The following GASK1A variants were observed in gnomAD, a reference collection of about 807,000 sequenced individuals.
GASK1A encodes the protein Golgi-associated kinase 1A.
In GASK1A, 40 loss-of-function variants were observed where a neutral mutation model predicts 41.2. The ratio of observed to expected loss-of-function variants is 0.97; its 90% confidence interval spans 0.75 to 1.27. The LOEUF (loss-of-function observed/expected upper bound fraction) is 1.27. GASK1A is among the 50% of genes most tolerant of loss of function. GASK1A has a pLI of 0.00. For missense variants in GASK1A, 678 were observed against 745.1 expected (o/e 0.91, Z 1.05); for synonymous variants, 316 against 307.1 (o/e 1.03, Z -0.30).
chr3:43,047,083 C>A (rs1388561433), intron 2 of GASK1A, among the ~76,000 whole-genome samples: 1 of 152,222 alleles, frequency 6.6e-6, no homozygotes, highest in Admixed American at 6.5e-5. Context: ...TCAGAGCCCC[C>A]ACACAGAGTT....
In GASK1A at chr3:43,012,824, T is replaced by A. The variant is rs542736682; in HGVS notation, c.4-19443T>A. 6.8e-3 allele frequency among the ~76,000 whole-genome samples: 874 copies of A among 129,096 alleles called. 18 individuals are homozygous for A. Among genetic ancestry groups the A allele is most frequent in the African/African-American group, 0.025 (817 of 33,266 alleles). 84.7% of individuals were successfully genotyped at this position (129,096 alleles called of 152,430 possible). A position where few individuals can be genotyped will look rare whatever the true frequency, so the allele number is the denominator to read the frequency against. The stretch of plus-strand genomic sequence containing the variant: ...TGAGGCCACAGGAAGGAGCTGTGTG[T>A]AGCCACAGGAAGGGGCAGTGTGAAG... On this transcript the variant is annotated intron_variant, in intron 1 of 4. Transcript: ENST00000430121.
chr3:43,004,475 C>G (rs2125677822), intron 1 of GASK1A, among the ~76,000 whole-genome samples: 1 of 152,310 alleles, frequency 6.6e-6, no homozygotes, highest in African/African-American at 2.4e-5. Context: ...AGAGCCTACA[C>G]CCACCCACCC....
intron 1 of GASK1A, 144 bp downstream of exon 1, chr3:42,979,789 G>A (rs914328493): frequency 1.2e-6 from 1 of 827,476 alleles, no homozygotes; most frequent in Non-Finnish European, 1.6e-6. Context: ...GTTGCATGGG[G>A]CGGCGGCGGC....
chr3:43,044,442 C>T (rs2089652388), intron 2 of GASK1A, among the ~76,000 whole-genome samples: 1 of 152,176 alleles, frequency 6.6e-6, no homozygotes, highest in Non-Finnish European at 1.5e-5. Context: ...CCCTCCAGGG[C>T]CAGAGACTTC....
At chr3:42,998,098 C>T (rs1316837470) in intron 1 of GASK1A, among the ~76,000 whole-genome samples, 1 of 152,178 alleles carries the variant, frequency 6.6e-6, no homozygotes, top group African/African-American at 2.4e-5. Context: ...TTCTGAAGTC[C>T]TTTAGGTGGT....
Position 43,056,560 on chromosome 3 carries a change from G to A in GASK1A, c.*174G>A, listed in dbSNP as rs923048851. 12 of 564,904 alleles carry A rather than the reference G, an allele frequency of 2.1e-5. No homozygotes were observed. Among genetic ancestry groups the A allele is most frequent in the African/African-American group, 1.3e-4 (7 of 53,574 alleles). The allele number at this position is 564,904 out of a possible 1,614,324, so 35.0% of individuals were successfully genotyped here. A position where few individuals can be genotyped will look rare whatever the true frequency, so the allele number is the denominator to read the frequency against. ...AGTATGGGGTTTTCAATCTCAAAGC[G>A]TCCCTTTCTGCCTTCTCGGCTCTGG... On this transcript the variant is annotated 3_prime_UTR_variant, in exon 5 of 5. Coordinates refer to ENST00000430121, the MANE Select transcript of GASK1A (RefSeq NM_001129908.3).
chr3:43,051,658 A>C (rs778854442), intron 2 of GASK1A, among the ~76,000 whole-genome samples: 3 of 152,146 alleles, frequency 2.0e-5, no homozygotes, highest in African/African-American at 7.2e-5. Context: ...ATTGTTATCC[A>C]TTGTCTCAGA....
At chr3:43,008,996 T>C (rs1354066929) in intron 1 of GASK1A, among the ~76,000 whole-genome samples, 2 of 152,246 alleles carry the variant, frequency 1.3e-5, no homozygotes, top group Non-Finnish European at 2.9e-5. Context: ...TGAGATTTAA[T>C]GATAATGCTA....
chr3:43,012,288 T>G (rs1306205609), intron 1 of GASK1A, among the ~76,000 whole-genome samples: 1 of 148,556 alleles, frequency 6.7e-6, no homozygotes, highest in Non-Finnish European at 1.5e-5. Flanking sequence ...GAAGGGGCTG[T>G]GTGAAGCCAC....
At chr3:43,031,299 G>A (rs1026195056) in intron 1 of GASK1A, among the ~76,000 whole-genome samples, 2 of 152,142 alleles carry the variant, frequency 1.3e-5, no homozygotes, top group East Asian at 3.9e-4. Flanking sequence ...CAGACACTGC[G>A]TTCCTTCCCT....
chr3:43,053,482 C>T (rs1246641107), intron 2 of GASK1A, 39 bp from the exon 3 acceptor site: 2 of 1,501,778 alleles, frequency 1.3e-6, no homozygotes, highest in Admixed American at 2.2e-5. Context: ...GGAGGCAGGC[C>T]CCCTGCCGCA....
At chr3:43,018,272 C>T (rs2089504647) in intron 1 of GASK1A, among the ~76,000 whole-genome samples, 1 of 152,136 alleles carries the variant, frequency 6.6e-6, no homozygotes, top group African/African-American at 2.4e-5. Flanking sequence ...GAATTTCTAC[C>T]ATTGTAACAT....
chr3:43,049,890 A>G (rs928419857), intron 2 of GASK1A, among the ~76,000 whole-genome samples: 1 of 151,708 alleles, frequency 6.6e-6, no homozygotes, highest in Non-Finnish European at 1.5e-5. Flanking sequence ...TAATTTCAAT[A>G]GTGTAAAAAG....
At chr3:42,990,715 G>A (rs1357967131) in intron 1 of GASK1A, among the ~76,000 whole-genome samples, 2 of 152,140 alleles carry the variant, frequency 1.3e-5, no homozygotes, top group African/African-American at 2.4e-5. Context: ...AGAGTCCCAC[G>A]TGTGATGTTC....
rs1321515960 is a variant in GASK1A, at chr3:43,028,215, A to T, written c.4-4052A>T. On this transcript the variant is annotated intron_variant, in intron 1 of 4. Coordinates refer to ENST00000430121, the MANE Select transcript of GASK1A (RefSeq NM_001129908.3). ...TAAATGTTTCTTATCAGACATAAAG[A>T]GGCTGTTCTAACAGTCTTAAGGTCT... is the stretch of plus-strand genomic sequence containing the variant. 2.0e-5 allele frequency among the ~76,000 whole-genome samples: 3 copies of T among 152,322 alleles called. No individual in the cohort carries two copies. In the East Asian group the frequency reaches 5.8e-4, roughly 29 times the overall value.
At chr3:42,981,945 T>C (rs181322407) in intron 1 of GASK1A, among the ~76,000 whole-genome samples, 28 of 152,308 alleles carry the variant, frequency 1.8e-4, no homozygotes, top group Middle Eastern at 3.4e-3. Context: ...GTATCCTTTA[T>C]TCAGTATTTC....
At position 42,979,521 on chromosome 3, in the gene GASK1A, G is replaced by T; in HGVS notation, c.-122G>T. 1.8e-6 allele frequency: 2 copies of T among 1,101,130 alleles called. No individual in the cohort carries two copies. The highest frequency in any genetic ancestry group is 4.6e-5 in the South Asian group (1 of 21,786). The allele number at this position is 1,101,130 out of a possible 1,614,324, so 68.2% of individuals were successfully genotyped here. A position where few individuals can be genotyped will look rare whatever the true frequency, so the allele number is the denominator to read the frequency against. ...TCAGTCCGGGAAACCCGCCCCAGCC[G>T]AGTAGCCGCGCATCCTGGGAAGCCT... On this transcript the variant is annotated 5_prime_UTR_variant, in exon 1 of 5. Coordinates refer to ENST00000430121, the MANE Select transcript of GASK1A (RefSeq NM_001129908.3).
intron 3 of GASK1A, among the ~76,000 whole-genome samples, chr3:43,054,474 G>A (rs1253012752): frequency 6.6e-6 from 1 of 152,188 alleles, no homozygotes; most frequent in Non-Finnish European, 1.5e-5. Context: ...GATCTTTTAG[G>A]ACAGCAGTTT....
chr3:42,994,261 A>G (rs895851046), intron 1 of GASK1A, among the ~76,000 whole-genome samples: 10 of 152,176 alleles, frequency 6.6e-5, no homozygotes, highest in African/African-American at 9.7e-5. Flanking sequence ...AGAAAGGGCA[A>G]TACTAGAGAA....
Sources: allele counts gnomAD v4.1 joint callset (sites outside exome capture counted in the v4.1 genomes callset), GRCh38; gene constraint gnomAD v4.1.1; transcripts MANE v1.5; gene names NCBI Gene and HGNC (gene_info 2026-07-23, HGNC 2026-07-21).